Variants in DOCK1 observed in about 807,000 individuals in gnomAD.
The protein encoded by DOCK1 is dedicator of cytokinesis 1.
In DOCK1, 138 loss-of-function variants were observed where a neutral mutation model predicts 262.7. That is an observed-to-expected ratio of 0.53 (90% CI 0.46 to 0.61). The LOEUF is 0.61. Ranked by LOEUF, DOCK1 falls within the 20% of genes least tolerant of loss-of-function variation. DOCK1 has a pLI of 0.00. For synonymous variants in DOCK1, 866 were observed against 867.4 expected, an observed-to-expected ratio of 1.00 and a Z score of 0.03; for missense variants, 1,908 against 2,370.7, an observed-to-expected ratio of 0.80 and a Z score of 4.05.
At chr10:127,212,675 A>G (rs560085427) in intron 27 of DOCK1, among the ~76,000 whole-genome samples, 3 of 151,252 alleles carry the variant, frequency 2.0e-5, no homozygotes, top group South Asian at 4.2e-4. Context: ...TTTTTTCTCA[A>G]TGAAGGATGA....
chr10:126,962,078 A>C (rs1171205337), intron 1 of DOCK1, among the ~76,000 whole-genome samples: 2 of 151,026 alleles, frequency 1.3e-5, no homozygotes, highest in African/African-American at 4.9e-5. Context: ...GCTCACTGCA[A>C]CCTCCGCCTC....
intron 1 of DOCK1, among the ~76,000 whole-genome samples, chr10:126,908,439 T>C (rs767967639): frequency 4.6e-5 from 7 of 152,222 alleles, no homozygotes; most frequent in Non-Finnish European, 7.3e-5. Context: ...TCTGGCCACT[T>C]GGCCCATGAA....
intron 6 of DOCK1, 45 bp from the exon 7 acceptor site, chr10:126,996,703 T>A (rs1295435797): frequency 6.5e-7 from 1 of 1,532,650 alleles, no homozygotes; most frequent in South Asian, 1.3e-5. Context: ...AAATTCAGCC[T>A]CCTTGGTCTA....
chr10:127,197,249 C>G (rs1025339466), intron 27 of DOCK1, among the ~76,000 whole-genome samples: 18 of 152,150 alleles, frequency 1.2e-4, no homozygotes, highest in East Asian at 3.9e-4. Flanking sequence ...CCCTACCCCC[C>G]ATCCAGAGCA....
chr10:127,061,705 T>C lies in DOCK1; in HGVS notation c.2374T>C (p.Ser792Pro). The C allele has an allele frequency of 6.2e-7, 1 of 1,600,756 alleles. No homozygotes were observed. The highest frequency in any genetic ancestry group is 8.5e-7 in the Non-Finnish European group (1 of 1,173,546). Residue 792 changes from serine (S) to proline (P), a missense_variant, in exon 23 of 52, where the codon TCT (serine) becomes CCT (proline). Coordinates refer to ENST00000623213, the MANE Select transcript of DOCK1 (RefSeq NM_001290223.2). ...CAAGGGAGAGGCTGACTTCGTGGAA[T>C]CTTTGCTGCAGCTCTTCAGGTCCAT... ...ENKGEADFVE[S>P]LLQLFRSIND...
chr10:126,978,475 A>T (rs2038712734), intron 3 of DOCK1, among the ~76,000 whole-genome samples: 1 of 152,152 alleles, frequency 6.6e-6, no homozygotes, highest in Admixed American at 6.5e-5. Context: ...AGTTTGCATG[A>T]GTGGTTGTTT....
chr10:127,066,621 A>G (rs2045893324), intron 23 of DOCK1, among the ~76,000 whole-genome samples: 1 of 152,268 alleles, frequency 6.6e-6, no homozygotes, highest in Admixed American at 6.5e-5. Context: ...GGAAACACCA[A>G]ACATCTGGGT....
intron 27 of DOCK1, among the ~76,000 whole-genome samples, chr10:127,213,673 A>G (rs1159802509): frequency 6.6e-6 from 1 of 152,180 alleles, no homozygotes; most frequent in Non-Finnish European, 1.5e-5. Context: ...TTCCTTACTC[A>G]CAGGCTCCTT....
At chr10:127,123,726 C>A (rs1201979547) in intron 25 of DOCK1, among the ~76,000 whole-genome samples, 1 of 152,100 alleles carries the variant, frequency 6.6e-6, no homozygotes, top group Non-Finnish European at 1.5e-5. Flanking sequence ...TGGCTTTGTT[C>A]TCGGGTGGCT....
chr10:127,061,117 A>T (rs181327452), intron 22 of DOCK1, among the ~76,000 whole-genome samples: 145 of 152,254 alleles, frequency 9.5e-4, no homozygotes, highest in Admixed American at 2.7e-3. Context: ...AATCCCACCT[A>T]CTTGGGAGGT....
rs573103179 is a variant in DOCK1 at position 127,344,021 on chromosome 10, A to G, written c.3224+275A>G. On this transcript the variant is annotated intron_variant, in intron 31 of 51. Coordinates refer to ENST00000623213, the MANE Select transcript of DOCK1 (RefSeq NM_001290223.2). The stretch of plus-strand genomic sequence containing the variant: ...GCTTCCGGAGATAATTCCTTTTGCT[A>G]TGCACTATTCTGATGTCATTTCACA... Among the ~76,000 whole-genome samples the G allele has an allele frequency of 5.9e-5, 9 of 152,282 alleles. No homozygotes were observed. In the South Asian group the frequency reaches 1.4e-3, roughly 25 times the overall value.
intron 29 of DOCK1, 94 bp from the exon 30 acceptor site, chr10:127,338,912 A>T (rs2063308506): frequency 1.4e-5 from 15 of 1,097,396 alleles, no homozygotes; most frequent in Non-Finnish European, 1.9e-5. Flanking sequence ...TTCACATTCC[A>T]GACAGTCTGG....
chr10:127,408,622 T>G (rs1590932704), intron 40 of DOCK1, among the ~76,000 whole-genome samples: 1 of 152,344 alleles, frequency 6.6e-6, no homozygotes, highest in East Asian at 1.9e-4. Flanking sequence ...AGGGCCTACC[T>G]GAGAAGAAAA....
chr10:127,225,790 A>G (rs986794978), intron 27 of DOCK1, among the ~76,000 whole-genome samples: 2 of 152,194 alleles, frequency 1.3e-5, no homozygotes. Context: ...ACCCATAAGA[A>G]GTAGTTGGAC....
chr10:127,041,235 T>G (rs1334831327), intron 19 of DOCK1, among the ~76,000 whole-genome samples: 1 of 152,152 alleles, frequency 6.6e-6, no homozygotes, highest in Non-Finnish European at 1.5e-5. Flanking sequence ...GTAGCTGGGA[T>G]TACAAGCGTG....
chr10:127,164,799 G>C (rs528819116), intron 27 of DOCK1, among the ~76,000 whole-genome samples: 1 of 152,204 alleles, frequency 6.6e-6, no homozygotes, highest in East Asian at 1.9e-4. Context: ...ATTATAAACA[G>C]GGCAAAGCTT....
At chr10:126,992,737 G>GACACACACAC (rs34596370) in intron 6 of DOCK1, among the ~76,000 whole-genome samples, 131 of 133,428 alleles carry the variant, frequency 9.8e-4, no homozygotes, top group African/African-American at 2.9e-3. Context: ...CCCCAACACA[G>GACACACACAC]ACACACACAC....
chr10:127,170,337 T>TC (rs1162775654), intron 27 of DOCK1, among the ~76,000 whole-genome samples: 1 of 152,092 alleles, frequency 6.6e-6, no homozygotes, highest in Non-Finnish European at 1.5e-5. Flanking sequence ...TCTTGCTCTC[T>TC]CCCCCTACCC....
Position 127,439,036 on chromosome 10 carries a change from G to A in DOCK1, c.5070G>A (p.Leu1690=). 6.4e-7 allele frequency: 1 copy of A among 1,551,502 alleles called. No homozygotes were observed. Among genetic ancestry groups the A allele is most frequent in the South Asian group, 1.2e-5 (1 of 83,962 alleles). ...PSRPGSDGFA[L]EPLLPKKMHS... ...TTGACCTTTCCTTTAGGTTTGCCCT[G>A]GAGCCTCTCCTGCCAAAGAAAATGC... Residue 1690 remains leucine (L), a synonymous_variant, in exon 49 of 52, where the codon CTG becomes CTA. Transcript: ENST00000623213.
Sources: allele counts gnomAD v4.1 joint callset (sites outside exome capture counted in the v4.1 genomes callset), GRCh38; gene constraint gnomAD v4.1.1; transcripts MANE v1.5; gene names NCBI Gene and HGNC (gene_info 2026-07-23, HGNC 2026-07-21).